CTIF: variants seen among roughly 807,000 people sequenced by gnomAD.
CTIF encodes the protein cap binding complex dependent translation initiation factor, also known as CBP80/20-dependent translation initiation factor.
In CTIF, 21 loss-of-function variants were observed where a neutral mutation model predicts 66.0. That is an observed-to-expected ratio of 0.32 (90% CI 0.23 to 0.46). The LOEUF (loss-of-function observed/expected upper bound fraction) is 0.46. Among genes scored for constraint, CTIF ranks in the 20% least tolerant of loss-of-function variants. The pLI is 1.00. For missense variants in CTIF, 739 were observed against 812.7 expected, an observed-to-expected ratio of 0.91 and a Z score of 1.10; for synonymous variants, 345 against 326.4, an observed-to-expected ratio of 1.06 and a Z score of -0.62.
rs994365823 is a variant in CTIF at position 48,675,692 on chromosome 18, C to T, written c.507+4948C>T. On this transcript the variant is annotated intron_variant, in intron 6 of 11. Coordinates refer to ENST00000256413, the MANE Select transcript of CTIF (RefSeq NM_014772.3). ...TCCCCTGCTAGGCCAAGGCATGACA[C>T]TCCTCCAGAGGGCCCGCCCCTCCCT... Among the ~76,000 whole-genome samples, 3 of 152,022 alleles carry T rather than the reference C, an allele frequency of 2.0e-5. No homozygotes were observed. In the East Asian group the frequency reaches 5.8e-4, roughly 29 times the overall value.
chr18:48,762,897 C>G (rs914549443), intron 9 of CTIF, among the ~76,000 whole-genome samples: 3 of 152,218 alleles, frequency 2.0e-5, no homozygotes, highest in Admixed American at 6.5e-5. Flanking sequence ...CCCACCCTCT[C>G]CTCTGCATGT....
rs368733846 is a variant in CTIF, at chr18:48,788,016, ACTT to A, written c.1371+26333_1371+26335del. ...GCGGGAGGTGAGGCTGGGGCCAGGC[ACTT>A]CTTCTCCCTGTAAAACACTGCTCAG... is the stretch of plus-strand genomic sequence containing the variant. On this transcript the variant is annotated intron_variant, in intron 9 of 11. Transcript: ENST00000256413. Among the ~76,000 whole-genome samples the A allele has an allele frequency of 1.6e-4, 25 of 152,202 alleles. No homozygotes were observed. In the East Asian group the frequency reaches 3.1e-3, roughly 19 times the overall value.
At chr18:48,828,037 C>CCCCCCT (rs2068619638) in intron 10 of CTIF, among the ~76,000 whole-genome samples, 1 of 149,482 alleles carries the variant, frequency 6.7e-6, no homozygotes, top group Non-Finnish European at 1.5e-5. Flanking sequence ...AGCCCCCACC[C>CCCCCCT]TTTGACTGTT....
chr18:48,784,327 G>C (rs1405071739), intron 9 of CTIF, among the ~76,000 whole-genome samples: 1 of 152,246 alleles, frequency 6.6e-6, no homozygotes, highest in Non-Finnish European at 1.5e-5. Context: ...CATTGTCTAG[G>C]CGAATACAGG....
chr18:48,855,011 G>A (rs1175033800), intron 10 of CTIF, among the ~76,000 whole-genome samples: 10 of 152,076 alleles, frequency 6.6e-5, no homozygotes, highest in Middle Eastern at 3.2e-3. Context: ...CATTTCCACC[G>A]CCCCGGAGCT....
chr18:48,583,317 T>G (rs1008301856), intron 1 of CTIF, among the ~76,000 whole-genome samples: 3 of 152,196 alleles, frequency 2.0e-5, no homozygotes, highest in Non-Finnish European at 4.4e-5. Context: ...GTTCGTGAAA[T>G]TAGATGCTGC....
intron 1 of CTIF, among the ~76,000 whole-genome samples, chr18:48,541,692 C>T (rs947096202): frequency 1.3e-5 from 2 of 152,172 alleles, no homozygotes; most frequent in Non-Finnish European, 2.9e-5. Context: ...TCATCTGTGT[C>T]AAGTATCTGT....
chr18:48,560,480 C>T (rs1245549963), intron 1 of CTIF, among the ~76,000 whole-genome samples: 1 of 152,194 alleles, frequency 6.6e-6, no homozygotes, highest in African/African-American at 2.4e-5. Context: ...CCACCTCGGC[C>T]TCCCAAAGTG....
chr18:48,587,105 G>A (rs986815351), intron 1 of CTIF, among the ~76,000 whole-genome samples: 13 of 147,612 alleles, frequency 8.8e-5, no homozygotes, highest in Admixed American at 4.7e-4. Flanking sequence ...TAATTGAGAC[G>A]GAGTCTTGCT....
intron 2 of CTIF, among the ~76,000 whole-genome samples, chr18:48,624,271 T>G (rs1381422605): frequency 6.6e-6 from 1 of 152,050 alleles, no homozygotes; most frequent in Non-Finnish European, 1.5e-5. Flanking sequence ...AGGAGGGATT[T>G]TAGCCCTATT....
chr18:48,607,258 C>T (rs1294275823), intron 1 of CTIF, among the ~76,000 whole-genome samples: 1 of 152,132 alleles, frequency 6.6e-6, no homozygotes, highest in African/African-American at 2.4e-5. Flanking sequence ...CCCTGTGGTT[C>T]GTAGAGAATT....
intron 1 of CTIF, among the ~76,000 whole-genome samples, chr18:48,607,555 C>G (rs143004659): frequency 6.6e-6 from 1 of 152,210 alleles, no homozygotes; most frequent in Non-Finnish European, 1.5e-5. Context: ...AAAAGAGGAA[C>G]TGAATGTCTA....
intron 10 of CTIF, among the ~76,000 whole-genome samples, chr18:48,830,093 G>A (rs549284774): frequency 6.6e-6 from 1 of 152,204 alleles, no homozygotes; most frequent in Non-Finnish European, 1.5e-5. Flanking sequence ...GGAAGAAGGT[G>A]GGTTTCGGAG....
intron 7 of CTIF, among the ~76,000 whole-genome samples, chr18:48,749,275 C>T (rs907022846): frequency 1.3e-5 from 2 of 152,176 alleles, no homozygotes; most frequent in African/African-American, 2.4e-5. Flanking sequence ...GTGGTGGATT[C>T]GAATGGCCAG....
At chr18:48,580,243 C>T (rs1367623035) in intron 1 of CTIF, among the ~76,000 whole-genome samples, 2 of 152,152 alleles carry the variant, frequency 1.3e-5, no homozygotes, top group Non-Finnish European at 2.9e-5. Flanking sequence ...GTGCTTGGTG[C>T]GGGTCACTGG....
chr18:48,839,387 G>A (rs773292212), intron 10 of CTIF, among the ~76,000 whole-genome samples: 1 of 152,036 alleles, frequency 6.6e-6, no homozygotes, highest in South Asian at 2.1e-4. Context: ...AGTTCTTCCC[G>A]TCACTGACCC....
At chr18:48,556,327 T>G (rs1187746198) in intron 1 of CTIF, among the ~76,000 whole-genome samples, 1 of 152,212 alleles carries the variant, frequency 6.6e-6, no homozygotes, top group Non-Finnish European at 1.5e-5. Context: ...TGGCTCTGCA[T>G]AAAGCTCACT....
chr18:48,632,088 A>G (rs1357340461), intron 2 of CTIF, among the ~76,000 whole-genome samples: 1 of 152,174 alleles, frequency 6.6e-6, no homozygotes, highest in Non-Finnish European at 1.5e-5. Flanking sequence ...TTGAGAGCAG[A>G]ATCCCAGCAG....
chr18:48,800,756 G>A (rs897053886), intron 9 of CTIF, among the ~76,000 whole-genome samples: 1 of 152,252 alleles, frequency 6.6e-6, no homozygotes, highest in Non-Finnish European at 1.5e-5. Flanking sequence ...CCTGGGGCTT[G>A]CCCAGGTCCA....
Sources: gnomAD v4.1 joint callset for allele counts (sites outside exome capture counted in the v4.1 genomes callset) on GRCh38, gnomAD v4.1.1 for gene constraint, MANE v1.5 for transcripts, NCBI Gene and HGNC (gene_info 2026-07-23, HGNC 2026-07-21) for gene names.